The following UBR7 variants were observed in gnomAD, a reference collection of about 807,000 sequenced individuals.
UBR7 encodes ubiquitin protein ligase E3 component n-recognin 7, also known as putative E3 ubiquitin-protein ligase UBR7.
Under a neutral mutation model 57.0 loss-of-function variants are expected in UBR7, and 22 were observed. The observed-to-expected ratio is 0.39, with a 90% CI of 0.28 to 0.55. The LOEUF (loss-of-function observed/expected upper bound fraction) is 0.55, where lower values mean the gene tolerates loss of function less well. Ranked by LOEUF, UBR7 falls within the 20% of genes least tolerant of loss-of-function variation. UBR7 has a pLI of 0.69. For synonymous variants in UBR7, 167 were observed against 179.8 expected, an observed-to-expected ratio of 0.93 and a Z score of 0.57; for missense variants, 395 against 513.2, an observed-to-expected ratio of 0.77 and a Z score of 2.23.
intron 2 of UBR7, 143 bp from the exon 3 acceptor site, chr14:93,210,505 T>G: frequency 1.4e-6 from 1 of 696,216 alleles, no homozygotes; most frequent in Non-Finnish European, 2.5e-6. Context: ...TACTTGTGTG[T>G]TTGTATGTGA....
In UBR7 at chr14:93,215,689, CAA is replaced by C. The variant is rs34666080; in HGVS notation, c.601+428_601+429del. Among the ~76,000 whole-genome samples the C allele has an allele frequency of 2.8e-3, 202 of 71,806 alleles. 3 individuals are homozygous for C. The East Asian group carries it at 0.033, about 12-fold the overall frequency. 47.1% of individuals were successfully genotyped at this position (71,806 alleles called of 152,430 possible). ...GGGCAATAGAACAAGACTCCATCCT[CAA>C]AAAAAAAAAAAAAAAAAAAGAATAG... is the stretch of plus-strand genomic sequence containing the variant. On this transcript the variant is annotated intron_variant, in intron 6 of 10. Coordinates refer to ENST00000013070, the MANE Select transcript of UBR7 (RefSeq NM_175748.4).
At position 93,212,940 on chromosome 14, in the gene UBR7, T is replaced by A. The variant is rs533498743; in HGVS notation, c.441+813T>A. Among the ~76,000 whole-genome samples, 8 of 152,250 alleles carry A rather than the reference T, an allele frequency of 5.3e-5. No homozygotes were observed. The South Asian group carries it at 1.7e-3, about 32-fold the overall frequency. On this transcript the variant is annotated intron_variant, in intron 4 of 10. Transcript: ENST00000013070. ...ACTCCAAGTATTTATGTAGAATGGATCGGTATAATTGACGGATCAAAGTGT... is the reference window on the plus strand; with the variant it reads ...ACTCCAAGTATTTATGTAGAATGGAACGGTATAATTGACGGATCAAAGTGT...
At chr14:93,219,176 T>G in intron 7 of UBR7, 36 bp from the exon 8 acceptor site, 1 of 1,610,164 alleles carries the variant, frequency 6.2e-7, no homozygotes, top group South Asian at 1.1e-5. Context: ...CTATGGTAGT[T>G]TAAAAAACAT....
intron 1 of UBR7, among the ~76,000 whole-genome samples, chr14:93,208,070 G>A (rs1295019471): frequency 6.6e-6 from 1 of 152,170 alleles, no homozygotes; most frequent in Non-Finnish European, 1.5e-5. Flanking sequence ...GCAAGGGAGG[G>A]GAGAGAGGAG....
intron 10 of UBR7, among the ~76,000 whole-genome samples, chr14:93,225,724 C>T (rs879316510): frequency 2.0e-5 from 3 of 152,172 alleles, no homozygotes; most frequent in African/African-American, 4.8e-5. Context: ...AGTATTTATT[C>T]ACTAGCGTTT....
chr14:93,215,340 C>G, intron 6 of UBR7, 59 bp downstream of exon 6: 1 of 1,403,924 alleles, frequency 7.1e-7, no homozygotes. Context: ...TTTGTATGTT[C>G]AATTCAGAAT....
intron 9 of UBR7, among the ~76,000 whole-genome samples, chr14:93,220,712 T>C (rs1188927984): frequency 6.6e-6 from 1 of 152,172 alleles, no homozygotes; most frequent in Non-Finnish European, 1.5e-5. Flanking sequence ...TGTCATGTTC[T>C]TGAGCAAGGC....
At chr14:93,210,318 C>CAG (rs1894456716) in intron 2 of UBR7, among the ~76,000 whole-genome samples, 1 of 152,026 alleles carries the variant, frequency 6.6e-6, no homozygotes. Flanking sequence ...CTCCTGACCT[C>CAG]GTGATCCGCC....
intron 10 of UBR7, among the ~76,000 whole-genome samples, chr14:93,226,034 G>C (rs1894842925): frequency 6.6e-6 from 1 of 152,206 alleles, no homozygotes; most frequent in Non-Finnish European, 1.5e-5. Context: ...TCTGCATCCT[G>C]AATCTGTTAG....
Position 93,227,824 on chromosome 14 carries a change from C to T in UBR7, c.*789C>T. 2.9e-6 allele frequency: 2 copies of T among 700,774 alleles called. No individual in the cohort carries two copies. Among genetic ancestry groups the T allele is most frequent in the Non-Finnish European group, 5.2e-6 (2 of 384,824 alleles). 43.4% of individuals were successfully genotyped at this position (700,774 alleles called of 1,614,324 possible). On this transcript the variant is annotated 3_prime_UTR_variant, in exon 11 of 11. Coordinates refer to ENST00000013070, the MANE Select transcript of UBR7 (RefSeq NM_175748.4). ...GAGAACATTTGCCCGTATACTAGTCCCTTCTCTGCTGCCTAGAAAACAGAC... is the reference window on the plus strand; with the variant it reads ...GAGAACATTTGCCCGTATACTAGTCTCTTCTCTGCTGCCTAGAAAACAGAC...
At chr14:93,213,838 G>T (rs984860339) in intron 4 of UBR7, among the ~76,000 whole-genome samples, 1 of 152,066 alleles carries the variant, frequency 6.6e-6, no homozygotes, top group Non-Finnish European at 1.5e-5. Context: ...TTCTAATTGC[G>T]TTGGAACTAT....
At position 93,218,524 on chromosome 14, in the gene UBR7, C is replaced by T; in HGVS notation, c.602-3C>T. On this transcript the variant is annotated splice_region_variant and splice_polypyrimidine_tract_variant and intron_variant, in intron 6 of 10. Transcript: ENST00000013070. ...GTGTTTTTCTTTTTCTTTGAACTCACAGTAACCAAAATATCCACTGAGGAT... is the reference window on the plus strand; with the variant it reads ...GTGTTTTTCTTTTTCTTTGAACTCATAGTAACCAAAATATCCACTGAGGAT... The T allele has an allele frequency of 1.2e-6, 2 of 1,613,972 alleles. No individual in the cohort carries two copies.
At chr14:93,224,183 G>A (rs530451500) in intron 10 of UBR7, 4 of 568,150 alleles carry the variant, frequency 7.0e-6, no homozygotes, top group African/African-American at 1.9e-5. Flanking sequence ...AGGTTAGGTC[G>A]TTTTTTTCTT....
chr14:93,225,067 C>CT (rs1284943658), intron 10 of UBR7, among the ~76,000 whole-genome samples: 1 of 152,116 alleles, frequency 6.6e-6, no homozygotes, highest in Non-Finnish European at 1.5e-5. Context: ...TAGCGCCACT[C>CT]TTTAGGAGTC....
chr14:93,228,752 A>C lies in UBR7; in HGVS notation c.*1717A>C. Reference sequence around the variant, plus strand: ...TTTCGAACCCTTTTTGCAAGGTTGCACTATTAGTATACCATCATGTCCGGA... The same window carrying C: ...TTTCGAACCCTTTTTGCAAGGTTGCCCTATTAGTATACCATCATGTCCGGA... On this transcript the variant is annotated 3_prime_UTR_variant, in exon 11 of 11. Coordinates refer to ENST00000013070, the MANE Select transcript of UBR7 (RefSeq NM_175748.4). 2.2e-6 allele frequency: 1 copy of C among 454,126 alleles called. No individual in the cohort carries two copies. The highest frequency in any genetic ancestry group is 4.4e-6 in the Non-Finnish European group (1 of 226,788). The allele number at this position is 454,126 out of a possible 1,614,324, so 28.1% of individuals were successfully genotyped here.
Position 93,220,238 on chromosome 14 carries a change from T to TTG in UBR7, c.961-10_961-9insGT, listed in dbSNP as rs1555385491. The TTG allele has an allele frequency of 6.2e-7, 1 of 1,600,418 alleles. No individual in the cohort carries two copies. ...CTCCTCTTTCTTTTTTTTTTTTTTT[T>TTG]TTCCCTAAAGAAAATGTATGGAGAT... On this transcript the variant is annotated splice_polypyrimidine_tract_variant and intron_variant, in intron 8 of 10. Transcript: ENST00000013070.
At chr14:93,209,776 A>G (rs909631335) in intron 1 of UBR7, 48 bp from the exon 2 acceptor site, 1 of 1,605,222 alleles carries the variant, frequency 6.2e-7, no homozygotes, top group African/African-American at 1.3e-5. Context: ...GGTATTAGGT[A>G]AACCATGCTA....
chr14:93,210,630 A>T lies in UBR7; in HGVS notation c.285-18A>T. On this transcript the variant is annotated intron_variant, in intron 2 of 10. Transcript: ENST00000013070. Reference sequence around the variant, plus strand: ...TTGTAAAAAGAAAAATAAAATTGTTATTTCCTCCTTTTTTCAGAAATTTTC... The same window carrying T: ...TTGTAAAAAGAAAAATAAAATTGTTTTTTCCTCCTTTTTTCAGAAATTTTC... 1 of 1,583,866 alleles carries T rather than the reference A, an allele frequency of 6.3e-7. No individual in the cohort carries two copies. Among genetic ancestry groups the T allele is most frequent in the South Asian group, 1.1e-5 (1 of 87,934 alleles).
At chr14:93,214,111 G>A (rs1410692426) in intron 4 of UBR7, among the ~76,000 whole-genome samples, 3 of 152,134 alleles carry the variant, frequency 2.0e-5, no homozygotes, top group South Asian at 4.1e-4. Context: ...ATTTTTAGTA[G>A]AGACAGGATT....
Sources: allele counts gnomAD v4.1 joint callset (sites outside exome capture counted in the v4.1 genomes callset), GRCh38; gene constraint gnomAD v4.1.1; transcripts MANE v1.5; gene names NCBI Gene and HGNC (gene_info 2026-07-23, HGNC 2026-07-21).